LMBR1: variants seen among roughly 807,000 people sequenced by gnomAD.
LMBR1 encodes limb development membrane protein 1.
LMBR1 carries 52 observed loss-of-function variants against 73.9 expected under a neutral mutation model. The observed-to-expected ratio is 0.70, with a 90% confidence interval of 0.56 to 0.89. LMBR1 has a LOEUF of 0.89. Ranked by LOEUF, LMBR1 falls within the 40% of genes least tolerant of loss-of-function variation. The probability of loss-of-function intolerance (pLI) is 0.00; values close to 1 mark genes in which losing one functional copy is unlikely to be tolerated. For missense variants in LMBR1, 539 were observed against 579.8 expected, an observed-to-expected ratio of 0.93 and a Z score of 0.72; for synonymous variants, 215 against 209.4, an observed-to-expected ratio of 1.03 and a Z score of -0.23.
intron 5 of LMBR1, among the ~76,000 whole-genome samples, chr7:156,769,767 G>A (rs1824832629): frequency 6.6e-6 from 1 of 152,198 alleles, no homozygotes; most frequent in Non-Finnish European, 1.5e-5. Flanking sequence ...GATCTGTGCA[G>A]CAGCTAAAGA....
At chr7:156,708,103 G>GA (rs942248835) in intron 15 of LMBR1, among the ~76,000 whole-genome samples, 151 of 150,536 alleles carry the variant, frequency 1.0e-3, no homozygotes, top group African/African-American at 3.3e-3. Flanking sequence ...ACAATAGCCA[G>GA]AAAAAAAAAA....
intron 16 of LMBR1, among the ~76,000 whole-genome samples, chr7:156,686,123 G>A (rs935199710): frequency 1.3e-5 from 2 of 152,112 alleles, no homozygotes; most frequent in Admixed American, 6.5e-5. Context: ...GGATCACTGC[G>A]GTACCCACTG....
At chr7:156,745,943 A>G (rs933157052) in intron 9 of LMBR1, among the ~76,000 whole-genome samples, 1 of 152,230 alleles carries the variant, frequency 6.6e-6, no homozygotes, top group Non-Finnish European at 1.5e-5. Flanking sequence ...AAGCTAGTAC[A>G]GAAATATTCA....
At chr7:156,830,329 G>A (rs1037599140) in intron 3 of LMBR1, among the ~76,000 whole-genome samples, 1 of 151,904 alleles carries the variant, frequency 6.6e-6, no homozygotes, top group Non-Finnish European at 1.5e-5. Flanking sequence ...TATTTCATGG[G>A]TTAGTATTTC....
In LMBR1 at chr7:156,763,129, T is replaced by A; in HGVS notation, c.598A>T (p.Met200Leu). ...LPYLYSCISLMGCLLLLLCTP... is the reference protein window; with the variant it reads ...LPYLYSCISLLGCLLLLLCTP... The stretch of plus-strand genomic sequence containing the variant: ...TTACAGAGAAGTAACAAACATCCCA[T>A]CAATGATATACAGGAATATAAATAG... Residue 200 changes from methionine (M) to leucine (L), a missense_variant, in exon 7 of 17, where the codon ATG (methionine) becomes TTG (leucine). Physicochemically the swap from Met to Leu is conservative, Grantham distance 15. This residue lies in a region of LMBR1 where 454 missense variants were observed against 473.4 expected (regional missense o/e 0.96). Transcript: ENST00000353442. 1 of 1,404,444 alleles carries A rather than the reference T, an allele frequency of 7.1e-7. No individual in the cohort carries two copies. Among genetic ancestry groups the A allele is most frequent in the Non-Finnish European group, 9.9e-7 (1 of 1,007,960 alleles). The allele number at this position is 1,404,444 out of a possible 1,614,324, so 87.0% of individuals were successfully genotyped here.
chr7:156,730,376 C>A (rs536642702), intron 10 of LMBR1, among the ~76,000 whole-genome samples: 1 of 152,134 alleles, frequency 6.6e-6, no homozygotes, highest in Admixed American at 6.5e-5. Context: ...AGGTCATAGT[C>A]AATAACTAAT....
At chr7:156,750,093 G>A (rs577441295) in intron 9 of LMBR1, among the ~76,000 whole-genome samples, 1 of 152,238 alleles carries the variant, frequency 6.6e-6, no homozygotes, top group East Asian at 1.9e-4. Context: ...TAAGTTCAAA[G>A]ACTATGATAT....
chr7:156,891,817 T>C (rs1415736862), intron 1 of LMBR1, among the ~76,000 whole-genome samples: 1 of 152,204 alleles, frequency 6.6e-6, no homozygotes, highest in East Asian at 1.9e-4. Context: ...CAAATTCCAC[T>C]AACTCAAATT....
At chr7:156,765,242 T>A (rs571812078) in intron 5 of LMBR1, among the ~76,000 whole-genome samples, 1 of 152,310 alleles carries the variant, frequency 6.6e-6, no homozygotes, top group South Asian at 2.1e-4. Flanking sequence ...TCCCCATGTG[T>A]CGTGGGAAGG....
chr7:156,788,535 A>C (rs1368927861), intron 5 of LMBR1, among the ~76,000 whole-genome samples: 1 of 151,564 alleles, frequency 6.6e-6, no homozygotes, highest in Admixed American at 6.6e-5. Context: ...TCAAGCACTG[A>C]AATCATGAGC....
chr7:156,876,876 G>A (rs1396709187), intron 1 of LMBR1, among the ~76,000 whole-genome samples: 1 of 152,022 alleles, frequency 6.6e-6, no homozygotes, highest in Non-Finnish European at 1.5e-5. Flanking sequence ...GTCTGAAAGA[G>A]CACAAATAGA....
At chr7:156,882,107 G>A (rs1458007390) in intron 1 of LMBR1, among the ~76,000 whole-genome samples, 1 of 152,068 alleles carries the variant, frequency 6.6e-6, no homozygotes, top group Non-Finnish European at 1.5e-5. Context: ...ATGAAAATGT[G>A]GTATACAATG....
intron 9 of LMBR1, among the ~76,000 whole-genome samples, chr7:156,754,110 G>C (rs1477801348): frequency 1.3e-5 from 2 of 152,088 alleles, no homozygotes; most frequent in African/African-American, 4.8e-5. Context: ...TAACAAGATG[G>C]CTTATTCAGG....
chr7:156,734,193 A>G lies in LMBR1; in HGVS notation c.822T>C (p.Thr274=), dbSNP rs756290527. Reference sequence around the variant, plus strand: ...GTACAATACCTAATTTTGTCTTAAGAGTCTTTACATTTTCAAGTTCTTGTT... The same window carrying G: ...GTACAATACCTAATTTTGTCTTAAGGGTCTTTACATTTTCAAGTTCTTGTT... ...ELEQELENVK[T]LKTKLERRKK... Residue 274 remains threonine, a synonymous_variant, in exon 10 of 17, where the codon ACT becomes ACC. Transcript: ENST00000353442. 1 of 1,608,242 alleles carries G rather than the reference A, an allele frequency of 6.2e-7. No homozygotes were observed. The highest frequency in any genetic ancestry group is 8.5e-7 in the Non-Finnish European group (1 of 1,177,618).
At chr7:156,704,085 C>T (rs1187422547) in intron 15 of LMBR1, among the ~76,000 whole-genome samples, 1 of 152,164 alleles carries the variant, frequency 6.6e-6, no homozygotes. Flanking sequence ...GCCCACTTAC[C>T]CATTCAGCAT....
At chr7:156,840,102 T>C (rs899341706) in intron 1 of LMBR1, among the ~76,000 whole-genome samples, 3 of 152,222 alleles carry the variant, frequency 2.0e-5, no homozygotes, top group Admixed American at 6.5e-5. Context: ...CAGAGGCTGA[T>C]TTAAATTCAT....
chr7:156,821,004 C>T (rs1834706435), intron 4 of LMBR1, among the ~76,000 whole-genome samples: 1 of 152,208 alleles, frequency 6.6e-6, no homozygotes, highest in South Asian at 2.1e-4. Flanking sequence ...TAACAACTGC[C>T]TTTGAGAAAC....
intron 1 of LMBR1, among the ~76,000 whole-genome samples, chr7:156,867,027 G>A (rs1798571050): frequency 6.6e-6 from 1 of 151,992 alleles, no homozygotes. Context: ...CCACAGCATT[G>A]GTGACTTTCA....
intron 1 of LMBR1, among the ~76,000 whole-genome samples, chr7:156,890,445 T>C (rs1167387566): frequency 3.3e-5 from 5 of 152,202 alleles, no homozygotes; most frequent in Non-Finnish European, 5.9e-5. Flanking sequence ...AAAGAAATCA[T>C]ATCCACCTGT....
Sources: allele counts gnomAD v4.1 joint callset (sites outside exome capture counted in the v4.1 genomes callset), GRCh38; gene constraint gnomAD v4.1.1; regional missense constraint gnomAD v4.1.1; transcripts MANE v1.5; gene names NCBI Gene and HGNC (gene_info 2026-07-23, HGNC 2026-07-21).